The following REPS2 variants were observed in gnomAD, a reference collection of about 807,000 sequenced individuals.
The protein encoded by REPS2 is RALBP1 associated Eps domain containing 2, also known as ralBP1-associated Eps domain-containing protein 2.
In REPS2, 23 loss-of-function variants were observed where a neutral mutation model predicts 53.6. The ratio of observed to expected loss-of-function variants is 0.43; its 90% CI spans 0.31 to 0.61. REPS2 has a LOEUF of 0.61. REPS2 is among the 20% of genes least tolerant of loss of function. The probability of loss-of-function intolerance (pLI) is 0.11; values close to 1 mark genes in which losing one functional copy is unlikely to be tolerated. For synonymous variants in REPS2, 238 were observed against 218.6 expected (o/e 1.09, Z -0.78); for missense variants, 446 against 534.9 (o/e 0.83, Z 1.64).
chrX:16,949,610 G>T (rs868275812), intron 1 of REPS2, among the ~76,000 whole-genome samples: 31 of 111,897 alleles, frequency 2.8e-4, no homozygotes, highest in African/African-American at 9.7e-4. Flanking sequence ...GTTTTGCCAT[G>T]TTGGCCAGGC....
intron 1 of REPS2, among the ~76,000 whole-genome samples, chrX:16,966,370 A>G (rs1046655685): frequency 1.8e-5 from 2 of 111,987 alleles, no homozygotes; most frequent in African/African-American, 6.5e-5. Flanking sequence ...TCATATCTGA[A>G]ATGCTTGGGA....
chrX:17,162,507 A>C, the REPS2 span, among the ~76,000 whole-genome samples: 1 of 112,924 alleles, frequency 8.9e-6, no homozygotes, highest in Non-Finnish European at 1.9e-5. Context: ...TACATGCTCA[A>C]GAAATAACTG....
chrX:17,139,796 G>A (rs901118775), intron 17 of REPS2, among the ~76,000 whole-genome samples: 1 of 110,777 alleles, frequency 9.0e-6, no homozygotes, highest in African/African-American at 3.3e-5. Flanking sequence ...GTATCTCTCT[G>A]TGTCTGTGTC....
chrX:17,183,499 A>G, the REPS2 span, among the ~76,000 whole-genome samples: 1 of 112,525 alleles, frequency 8.9e-6, no homozygotes, highest in Non-Finnish European at 1.9e-5. Flanking sequence ...ATCAAGTTAC[A>G]AAATTTTGCT....
chrX:17,017,801 C>T (rs1805921289), intron 2 of REPS2, among the ~76,000 whole-genome samples: 2 of 111,277 alleles, frequency 1.8e-5, no homozygotes, highest in Admixed American at 9.6e-5. Flanking sequence ...TAGCCAGTAG[C>T]TGCATGTGGC....
chrX:17,075,767 G>A (rs1262313354), intron 12 of REPS2, among the ~76,000 whole-genome samples: 2 of 112,686 alleles, frequency 1.8e-5, no homozygotes, highest in South Asian at 7.2e-4. Context: ...GTGCTTAACA[G>A]TGTGCACGCA....
At chrX:17,175,971 C>T in the REPS2 span, among the ~76,000 whole-genome samples, 2 of 112,390 alleles carry the variant, frequency 1.8e-5, no homozygotes, top group African/African-American at 6.5e-5. Context: ...TTAGCCAGAA[C>T]TCAGTCACAT....
intron 9 of REPS2, among the ~76,000 whole-genome samples, chrX:17,064,554 A>T (rs1479119065): frequency 1.8e-5 from 2 of 112,494 alleles, no homozygotes; most frequent in East Asian, 5.5e-4. Flanking sequence ...AGAATTACAG[A>T]TGATAATTTC....
intron 1 of REPS2, among the ~76,000 whole-genome samples, chrX:16,948,526 C>G: frequency 8.9e-6 from 1 of 112,454 alleles, no homozygotes; most frequent in Non-Finnish European, 1.9e-5. Flanking sequence ...AGTGCTGTAG[C>G]TGCTTCCCAG....
intron 13 of REPS2, among the ~76,000 whole-genome samples, chrX:17,088,096 C>T (rs1415424104): frequency 2.7e-5 from 3 of 111,027 alleles, no homozygotes; most frequent in East Asian, 5.6e-4. Context: ...TCTCCCCCAC[C>T]GCATTATTCA....
At chrX:17,102,547 A>C (rs1305760843) in intron 13 of REPS2, among the ~76,000 whole-genome samples, 1 of 112,180 alleles carries the variant, frequency 8.9e-6, no homozygotes, top group Non-Finnish European at 1.9e-5. Flanking sequence ...CTGGAGTTTT[A>C]ACCCACCGAT....
At chrX:17,073,339 A>G (rs957181653) in intron 11 of REPS2, among the ~76,000 whole-genome samples, 1 of 112,481 alleles carries the variant, frequency 8.9e-6, no homozygotes. Context: ...GAGCATAGCT[A>G]CTGGTTCCTA....
the REPS2 span, among the ~76,000 whole-genome samples, chrX:17,160,953 G>C: frequency 8.9e-6 from 1 of 112,039 alleles, no homozygotes; most frequent in Non-Finnish European, 1.9e-5. Flanking sequence ...TCCACAGATG[G>C]AGAGGAATTG....
chrX:17,105,348 C>T (rs755481241), intron 14 of REPS2, among the ~76,000 whole-genome samples: 3 of 112,386 alleles, frequency 2.7e-5, no homozygotes, highest in Non-Finnish European at 5.6e-5. Context: ...TAGTTCAAGC[C>T]TGGGGCTTGA....
At chrX:17,171,607 C>T in the REPS2 span, among the ~76,000 whole-genome samples, 2 of 111,202 alleles carry the variant, frequency 1.8e-5, no homozygotes, top group African/African-American at 6.6e-5. Context: ...GCAGCCTTGG[C>T]CTCCTGGGTT....
intron 5 of REPS2, among the ~76,000 whole-genome samples, chrX:17,041,603 G>A (rs938985340): frequency 1.8e-5 from 2 of 111,730 alleles, no homozygotes; most frequent in African/African-American, 6.5e-5. Flanking sequence ...TATTTTTGGC[G>A]GAGGAGGCAT....
the REPS2 span, among the ~76,000 whole-genome samples, chrX:17,191,465 G>A: frequency 1.8e-5 from 2 of 112,230 alleles, no homozygotes; most frequent in African/African-American, 6.5e-5. Flanking sequence ...TACAACAATT[G>A]GAGCTCTCAT....
the REPS2 span, among the ~76,000 whole-genome samples, chrX:17,168,499 C>T: frequency 9.0e-6 from 1 of 111,316 alleles, no homozygotes; most frequent in South Asian, 3.9e-4. Context: ...AGCAACAGAG[C>T]AAGACTCTGT....
At chrX:17,168,546 G>A in the REPS2 span, among the ~76,000 whole-genome samples, 7 of 111,115 alleles carry the variant, frequency 6.3e-5, no homozygotes, top group African/African-American at 2.3e-4. Context: ...GGATCTCTGT[G>A]GAATTTACCT....
Sources: gnomAD v4.1 joint callset for allele counts (sites outside exome capture counted in the v4.1 genomes callset) on GRCh38, gnomAD v4.1.1 for gene constraint, MANE v1.5 for transcripts, NCBI Gene and HGNC (gene_info 2026-07-23, HGNC 2026-07-21) for gene names.